Variants in THSD1 observed in about 807,000 individuals in gnomAD.
THSD1 encodes the protein thrombospondin type 1 domain containing 1, also known as thrombospondin type-1 domain-containing protein 1.
Under a neutral mutation model 46.3 loss-of-function variants are expected in THSD1, and 34 were observed. The observed-to-expected ratio is 0.74, with a 90% CI of 0.56 to 0.98. THSD1 has a LOEUF of 0.98. Among genes scored for constraint, THSD1 ranks in the 50% least tolerant of loss-of-function variants. The pLI is 0.00. For synonymous variants in THSD1, 407 were observed against 416.5 expected, an observed-to-expected ratio of 0.98 and a Z score of 0.28; for missense variants, 1,023 against 1,058.3, an observed-to-expected ratio of 0.97 and a Z score of 0.46.
At position 52,379,168 on chromosome 13, in the gene THSD1, T is replaced by C. The variant is rs189522096; in HGVS notation, c.1181-379A>G. Among the ~76,000 whole-genome samples, 493 of 152,220 alleles carry C rather than the reference T, an allele frequency of 3.2e-3. 5 individuals carry two copies. Among genetic ancestry groups the C allele is most frequent in the South Asian group, 0.022 (106 of 4,812 alleles). ...TTAGCCACTGTGCCCAGCCCAAATA[T>C]GTATTTTCTAGTATTGTTTGCTCTG... On this transcript the variant is annotated intron_variant, in intron 4 of 4. Coordinates refer to ENST00000258613, the MANE Select transcript of THSD1 (RefSeq NM_018676.4).
rs188193425 is a variant in THSD1, at chr13:52,405,927, T to A, written c.-82+104A>T. The A allele has an allele frequency of 2.0e-5, 3 of 152,302 alleles. No homozygotes were observed. In the East Asian group the frequency reaches 5.8e-4, roughly 30 times the overall value. The allele number at this position is 152,302 out of a possible 1,614,324, so 9.4% of individuals were successfully genotyped here. On this transcript the variant is annotated intron_variant, in intron 1 of 4. Coordinates refer to ENST00000258613, the MANE Select transcript of THSD1 (RefSeq NM_018676.4). ...CCACCGTCCACCTGCGCCTTCAGGCTGCGGTGAGGTGGCAGAGTCCGGAGG... is the reference window on the plus strand; with the variant it reads ...CCACCGTCCACCTGCGCCTTCAGGCAGCGGTGAGGTGGCAGAGTCCGGAGG...
chr13:52,392,893 T>C (rs1957783637), intron 3 of THSD1, among the ~76,000 whole-genome samples: 1 of 152,164 alleles, frequency 6.6e-6, no homozygotes, highest in South Asian at 2.1e-4. Context: ...ATTGAACAAA[T>C]CATACTTATG....
At chr13:52,390,935 T>C (rs1957768492) in intron 3 of THSD1, among the ~76,000 whole-genome samples, 1 of 152,142 alleles carries the variant, frequency 6.6e-6, no homozygotes, top group African/African-American at 2.4e-5. Context: ...TTTAAAAAAG[T>C]ATATTTGTTA....
chr13:52,395,474 C>T (rs1029854928), intron 3 of THSD1, among the ~76,000 whole-genome samples: 2 of 152,018 alleles, frequency 1.3e-5, no homozygotes, highest in African/African-American at 4.8e-5. Context: ...GAGTCTTAGT[C>T]CAGAAATGCT....
chr13:52,396,437 G>T (rs1391846961), intron 3 of THSD1, among the ~76,000 whole-genome samples: 2 of 152,124 alleles, frequency 1.3e-5, no homozygotes, highest in African/African-American at 4.8e-5. Flanking sequence ...CAGGAGAATG[G>T]CATGAACCCG....
chr13:52,405,771 C>T (rs1380266662), intron 1 of THSD1, among the ~76,000 whole-genome samples: 3 of 152,184 alleles, frequency 2.0e-5, no homozygotes, highest in Non-Finnish European at 2.9e-5. Flanking sequence ...GTTCTGTGGC[C>T]AGTCTCAGTC....
chr13:52,381,364 T>A lies in THSD1; in HGVS notation c.1181-2575A>T, dbSNP rs73486119. ...GAAAATGAACAACCATGCAGGTCAG[T>A]GCCCCTGCGCAGTCACAGCACCCAA... is the stretch of plus-strand genomic sequence containing the variant. On this transcript the variant is annotated intron_variant, in intron 4 of 4. Coordinates refer to ENST00000258613, the MANE Select transcript of THSD1 (RefSeq NM_018676.4). Among the ~76,000 whole-genome samples the A allele has an allele frequency of 5.1e-3, 781 of 152,242 alleles. 6 individuals carry two copies. Among genetic ancestry groups the A allele is most frequent in the African/African-American group, 0.017 (710 of 41,538 alleles).
intron 4 of THSD1, chr13:52,384,434 G>T (rs1219433701): frequency 8.8e-6 from 4 of 455,708 alleles, no homozygotes; most frequent in African/African-American, 2.0e-5. Flanking sequence ...TCTGCAATGT[G>T]GAAATAAGAA....
At chr13:52,389,969 A>G (rs986300973) in intron 3 of THSD1, among the ~76,000 whole-genome samples, 1 of 151,956 alleles carries the variant, frequency 6.6e-6, no homozygotes, top group Non-Finnish European at 1.5e-5. Flanking sequence ...GCAAAAACCC[A>G]TCTCTACAAA....
intron 3 of THSD1, among the ~76,000 whole-genome samples, chr13:52,389,749 A>C (rs950464533): frequency 3.3e-5 from 5 of 152,134 alleles, no homozygotes; most frequent in Non-Finnish European, 7.3e-5. Flanking sequence ...AATACACACA[A>C]AACTCTCCCA....
intron 1 of THSD1, among the ~76,000 whole-genome samples, chr13:52,405,469 A>G (rs1298669853): frequency 6.6e-6 from 1 of 152,202 alleles, no homozygotes; most frequent in Non-Finnish European, 1.5e-5. Context: ...GTTCTAAAGC[A>G]GCTCGTGTAA....
At chr13:52,398,345 G>A (rs1014235413) in intron 2 of THSD1, 151 bp from the exon 3 acceptor site, 24 of 1,273,166 alleles carry the variant, frequency 1.9e-5, no homozygotes, top group Admixed American at 4.9e-5. Flanking sequence ...ATCACTGCTC[G>A]CTGTACCCCT....
chr13:52,378,957 G>C (rs1594095519), intron 4 of THSD1, among the ~76,000 whole-genome samples, 168 bp from the exon 5 acceptor site: 1 of 149,170 alleles, frequency 6.7e-6, no homozygotes, highest in African/African-American at 2.5e-5. Context: ...CCGCCTCCCA[G>C]GCTCAAACAA....
In THSD1 at chr13:52,384,201, AAAG is replaced by A. The variant is rs746809730; in HGVS notation, c.1180+1824_1180+1826del. On this transcript the variant is annotated intron_variant, in intron 4 of 4. Transcript: ENST00000258613. ...CTCCGTCTCAAAAAAAAAAAAAAAA[AAAG>A]AAGAAGAAGATGCCAGAATATGACA... 961 of 300,322 alleles carry A rather than the reference AAAG, an allele frequency of 3.2e-3. 9 individuals carry two copies. Among genetic ancestry groups the A allele is most frequent in the African/African-American group, 0.011 (481 of 44,244 alleles). The allele number at this position is 300,322 out of a possible 1,614,324, so 18.6% of individuals were successfully genotyped here. A position where few individuals can be genotyped will look rare whatever the true frequency, so the allele number is the denominator to read the frequency against.
Position 52,378,292 on chromosome 13 carries a change from T to C in THSD1, c.1678A>G (p.Thr560Ala). 1 of 1,614,228 alleles carries C rather than the reference T, an allele frequency of 6.2e-7. No homozygotes were observed. The highest frequency in any genetic ancestry group is 8.5e-7 in the Non-Finnish European group (1 of 1,180,046). Residue 560 changes from threonine (T) to alanine (A), a missense_variant, in exon 5 of 5, where the codon ACA becomes GCA. Physicochemically the swap from Thr to Ala is moderately conservative, Grantham distance 58. Coordinates refer to ENST00000258613, the MANE Select transcript of THSD1 (RefSeq NM_018676.4). ...GGGGCCGCATCAATGGCAGTGTCTG[T>C]CAGGGGACTCTGAGACACGTGATAC... is the stretch of plus-strand genomic sequence containing the variant. ...KVYHVSQSPL[T>A]DTAIDAAPSA...
At chr13:52,404,904 C>A (rs112223701) in intron 1 of THSD1, among the ~76,000 whole-genome samples, 2,645 of 152,190 alleles carry the variant, frequency 0.017, 74 homozygotes, top group Admixed American at 0.08. Flanking sequence ...ATATTTAGAG[C>A]TGAATGGAAA....
At chr13:52,385,645 T>C (rs1179637233) in intron 4 of THSD1, among the ~76,000 whole-genome samples, 1 of 151,826 alleles carries the variant, frequency 6.6e-6, no homozygotes, top group African/African-American at 2.4e-5. Flanking sequence ...GGGAGAAAAA[T>C]TAAGGAAAAC....
intron 2 of THSD1, 101 bp downstream of exon 2, chr13:52,402,442 C>A (rs1229619664): frequency 1.7e-6 from 2 of 1,176,308 alleles, no homozygotes; most frequent in Non-Finnish European, 1.2e-6. Flanking sequence ...ATATACCCTA[C>A]CCTGCCTCCT....
Position 52,378,571 on chromosome 13 carries a change from TCTC to T in THSD1, c.1396_1398del (p.Glu466del). 1.2e-6 allele frequency: 2 copies of T among 1,614,088 alleles called. No homozygotes were observed. Among genetic ancestry groups the T allele is most frequent in the Non-Finnish European group, 1.7e-6 (2 of 1,180,034 alleles). On this transcript the variant is annotated inframe_deletion, in exon 5 of 5. Coordinates refer to ENST00000258613, the MANE Select transcript of THSD1 (RefSeq NM_018676.4). ...CGCTGCTCGCTCAGCTCGCAGATAT[TCTC>T]CTCGTCCGAGTTCTTCCGGAAGCTG...
Sources: gnomAD v4.1 joint callset for allele counts (sites outside exome capture counted in the v4.1 genomes callset) on GRCh38, gnomAD v4.1.1 for gene constraint, MANE v1.5 for transcripts, NCBI Gene and HGNC (gene_info 2026-07-23, HGNC 2026-07-21) for gene names.